Variants in SCAPER observed in about 807,000 individuals in gnomAD.
The protein encoded by SCAPER is S phase cyclin A-associated protein in the endoplasmic reticulum.
Under a neutral mutation model 182.2 loss-of-function variants are expected in SCAPER, and 98 were observed. The observed-to-expected ratio is 0.54, with a 90% CI of 0.46 to 0.64. The LOEUF (loss-of-function observed/expected upper bound fraction) is 0.64. Ranked by LOEUF, SCAPER falls within the 30% of genes least tolerant of loss-of-function variation. The pLI is 0.00. For synonymous variants in SCAPER, 605 were observed against 564.6 expected, an observed-to-expected ratio of 1.07 and a Z score of -1.01; for missense variants, 1,432 against 1,690.0, an observed-to-expected ratio of 0.85 and a Z score of 2.68.
In SCAPER at chr15:76,574,211, CTT is replaced by C; in HGVS notation, c.2783_2784del (p.Lys928SerfsTer13). 1 of 1,611,386 alleles carries C rather than the reference CTT, an allele frequency of 6.2e-7. No individual in the cohort carries two copies. Among genetic ancestry groups the C allele is most frequent in the Non-Finnish European group, 8.5e-7 (1 of 1,178,808 alleles). The stretch of plus-strand genomic sequence containing the variant: ...CCTAGGGTCCGATCCAAAGCAGACA[CTT>C]TATTGTTTGCCCATGAGCCACTGTC... The part of the protein sequence containing the change: ...VQDSGSWANN[K>X]VSALDRTLGE... On this transcript the variant is annotated frameshift_variant, in exon 23 of 32. Transcript: ENST00000563290. LOFTEE classifies it high-confidence loss of function.
At chr15:76,585,970 A>AGAAGTGAAGGCATTGTATCTCC (rs1411203702) in intron 22 of SCAPER, among the ~76,000 whole-genome samples, 1 of 152,194 alleles carries the variant, frequency 6.6e-6, no homozygotes, top group Non-Finnish European at 1.5e-5. Context: ...CATGAAAAGA[A>AGAAGTGAAGGCATTGTATCTCC]GAAGTGAAGG....
chr15:76,741,204 T>C (rs1338006895), intron 15 of SCAPER, among the ~76,000 whole-genome samples: 1 of 152,160 alleles, frequency 6.6e-6, no homozygotes, highest in Non-Finnish European at 1.5e-5. Context: ...TATCCATTCA[T>C]GCAATCTGAA....
chr15:76,428,893 T>TATATATATATATATATATATATATAA (rs561331843), intron 26 of SCAPER, among the ~76,000 whole-genome samples: 5 of 139,564 alleles, frequency 3.6e-5, no homozygotes, highest in African/African-American at 1.3e-4. Flanking sequence ...TATATATATA[T>TATATATATATATATATATATATATAA]AAACATCAAA....
chr15:76,664,589 G>A (rs1034495406), intron 21 of SCAPER, among the ~76,000 whole-genome samples: 3 of 152,134 alleles, frequency 2.0e-5, no homozygotes, highest in African/African-American at 2.4e-5. Context: ...ATTTATAGCC[G>A]CAGAACCAGG....
intron 2 of SCAPER, among the ~76,000 whole-genome samples, chr15:76,875,688 G>C (rs1370367606): frequency 6.6e-6 from 1 of 152,194 alleles, no homozygotes; most frequent in African/African-American, 2.4e-5. Context: ...TAAAGACAGC[G>C]TGTCCGGAGT....
chr15:76,635,323 T>C (rs1433101571), intron 21 of SCAPER, among the ~76,000 whole-genome samples: 22 of 152,054 alleles, frequency 1.4e-4, no homozygotes, highest in Admixed American at 1.4e-3. Flanking sequence ...ATTAACCTAA[T>C]GTGCACATCT....
intron 4 of SCAPER, among the ~76,000 whole-genome samples, chr15:76,846,719 G>A (rs868289081): frequency 2.5e-4 from 38 of 152,020 alleles, no homozygotes; most frequent in African/African-American, 8.0e-4. Context: ...TGGAGAGGAT[G>A]TGGGAAAAAA....
At chr15:76,392,710 T>C (rs938504095) in intron 27 of SCAPER, among the ~76,000 whole-genome samples, 45 of 152,198 alleles carry the variant, frequency 3.0e-4, no homozygotes, top group African/African-American at 1.0e-3. Context: ...GTGATCACTC[T>C]TCTGCACGCT....
chr15:76,769,968 T>C lies in SCAPER; in HGVS notation c.1248+1774A>G, dbSNP rs1430691921. Among the ~76,000 whole-genome samples, 6 of 152,246 alleles carry C rather than the reference T, an allele frequency of 3.9e-5. No individual in the cohort carries two copies. In the South Asian group the frequency reaches 6.2e-4, roughly 16 times the overall value. ...TGGAACCAACCCAAATGTCCATCAA[T>C]GATAGACTGGATTAAGAAAATGTGG... is the stretch of plus-strand genomic sequence containing the variant. On this transcript the variant is annotated intron_variant, in intron 10 of 31. Coordinates refer to ENST00000563290, the MANE Select transcript of SCAPER (RefSeq NM_020843.4).
rs557876790 is a variant in SCAPER at position 76,820,299 on chromosome 15, T to C, written c.394-15666A>G. ...AAAGACACATGCACATGTATGTTTA[T>C]TGCGGCACTATTCACAATAGCAAAG... On this transcript the variant is annotated intron_variant, in intron 5 of 31. Transcript: ENST00000563290. Among the ~76,000 whole-genome samples, 19 of 152,214 alleles carry C rather than the reference T, an allele frequency of 1.2e-4. No homozygotes were observed. In the East Asian group the frequency reaches 1.3e-3, roughly 11 times the overall value.
Position 76,614,866 on chromosome 15 carries a change from T to C in SCAPER, c.2711+6898A>G, listed in dbSNP as rs79633958. Among the ~76,000 whole-genome samples, 1,376 of 152,246 alleles carry C rather than the reference T, an allele frequency of 9.0e-3. 21 individuals carry two copies. The highest frequency in any genetic ancestry group is 0.032 in the African/African-American group (1,336 of 41,542). On this transcript the variant is annotated intron_variant, in intron 22 of 31. Transcript: ENST00000563290. ...ATAAGACAAACTAAACTGACAAACCTTTAGCTAGATTGACTATGAAAAGAT... is the reference window on the plus strand; with the variant it reads ...ATAAGACAAACTAAACTGACAAACCCTTAGCTAGATTGACTATGAAAAGAT...
At chr15:76,383,240 C>A (rs1444134849) in intron 27 of SCAPER, among the ~76,000 whole-genome samples, 1 of 152,012 alleles carries the variant, frequency 6.6e-6, no homozygotes, top group Non-Finnish European at 1.5e-5. Context: ...ATTATCTTTC[C>A]TAGAAGCACT....
At chr15:76,456,936 C>A (rs2048781265) in intron 25 of SCAPER, among the ~76,000 whole-genome samples, 1 of 152,078 alleles carries the variant, frequency 6.6e-6, no homozygotes, top group African/African-American at 2.4e-5. Flanking sequence ...GTCTTTTTAT[C>A]CACTTTCAAC....
At chr15:76,378,115 A>G (rs1293609398) in intron 28 of SCAPER, among the ~76,000 whole-genome samples, 2 of 152,264 alleles carry the variant, frequency 1.3e-5, no homozygotes, top group Non-Finnish European at 2.9e-5. Context: ...GCTCAAAGTC[A>G]GGTCATTCTG....
At chr15:76,398,132 T>C (rs149931281) in intron 27 of SCAPER, among the ~76,000 whole-genome samples, 49 of 152,302 alleles carry the variant, frequency 3.2e-4, no homozygotes, top group African/African-American at 1.0e-3. Flanking sequence ...CAACTCTACA[T>C]GTTCTAATCT....
At chr15:76,827,501 A>C (rs2068110360) in intron 5 of SCAPER, among the ~76,000 whole-genome samples, 1 of 152,202 alleles carries the variant, frequency 6.6e-6, no homozygotes, top group South Asian at 2.1e-4. Flanking sequence ...AGAAGCCTAT[A>C]GAGATAGAAT....
At chr15:76,588,076 C>T (rs1326968130) in intron 22 of SCAPER, among the ~76,000 whole-genome samples, 5 of 152,118 alleles carry the variant, frequency 3.3e-5, no homozygotes, top group Admixed American at 3.3e-4. Flanking sequence ...CGCCCACCAC[C>T]ATGCCTGGCT....
intron 25 of SCAPER, among the ~76,000 whole-genome samples, chr15:76,458,739 G>A (rs1280812356): frequency 2.0e-5 from 3 of 152,048 alleles, no homozygotes; most frequent in African/African-American, 7.2e-5. Flanking sequence ...CGGTCACCCT[G>A]CTCTGCTACT....
rs1012952592 is a variant in SCAPER at position 76,490,926 on chromosome 15, A to C, written c.2954+13933T>G. Among the ~76,000 whole-genome samples the C allele has an allele frequency of 2.1e-4, 32 of 152,276 alleles. No homozygotes were observed. In the South Asian group the frequency reaches 5.8e-3, roughly 28 times the overall value. ...TGTGTTGTGTATTCTTGACAATCTTATCAAAGATCAGCTGACTCCATCTGA... is the reference window on the plus strand; with the variant it reads ...TGTGTTGTGTATTCTTGACAATCTTCTCAAAGATCAGCTGACTCCATCTGA... On this transcript the variant is annotated intron_variant, in intron 24 of 31. Transcript: ENST00000563290.
Sources: gnomAD v4.1 joint callset for allele counts (sites outside exome capture counted in the v4.1 genomes callset) on GRCh38, gnomAD v4.1.1 for gene constraint, MANE v1.5 for transcripts, NCBI Gene and HGNC (gene_info 2026-07-23, HGNC 2026-07-21) for gene names.